Variants in LAPTM4B observed in about 807,000 individuals in gnomAD.
LAPTM4B encodes lysosomal-associated transmembrane protein 4B.
In LAPTM4B, 26 loss-of-function variants were observed where a neutral mutation model predicts 28.5. The ratio of observed to expected loss-of-function variants is 0.91; its 90% CI spans 0.67 to 1.27. LAPTM4B has a LOEUF of 1.27. LAPTM4B is among the 50% of genes most tolerant of loss of function. The probability of loss-of-function intolerance (pLI) is 0.00; values close to 1 mark genes in which losing one functional copy is unlikely to be tolerated. For missense variants in LAPTM4B, 288 were observed against 285.8 expected (o/e 1.01, Z -0.06); for synonymous variants, 109 against 106.4 (o/e 1.02, Z -0.15).
At chr8:97,830,118 C>CAGCT (rs1463672967) in intron 6 of LAPTM4B, among the ~76,000 whole-genome samples, 2 of 152,022 alleles carry the variant, frequency 1.3e-5, no homozygotes, top group Admixed American at 6.6e-5. Flanking sequence ...AGGGCAGGGA[C>CAGCT]AGCTGTGTAG....
At chr8:97,804,504 G>A (rs1440053125) in intron 1 of LAPTM4B, among the ~76,000 whole-genome samples, 3 of 152,266 alleles carry the variant, frequency 2.0e-5, no homozygotes. Context: ...CTTGGTAGTT[G>A]TTTGTTCCTG....
At chr8:97,824,328 A>C (rs1255000906) in intron 5 of LAPTM4B, among the ~76,000 whole-genome samples, 1 of 152,130 alleles carries the variant, frequency 6.6e-6, no homozygotes, top group African/African-American at 2.4e-5. Context: ...GATTTTAGCA[A>C]TCTAGTTTCT....
chr8:97,829,755 A>G (rs2449534), intron 6 of LAPTM4B, among the ~76,000 whole-genome samples: 70,565 of 150,706 alleles, frequency 0.47, 16,736 homozygotes, highest in East Asian at 0.57. Flanking sequence ...GCAGTGGCAC[A>G]ACCTCGCTCA....
chr8:97,814,935 G>A (rs190520925), intron 2 of LAPTM4B, among the ~76,000 whole-genome samples: 48 of 152,142 alleles, frequency 3.2e-4, no homozygotes, highest in African/African-American at 9.9e-4. Flanking sequence ...CCTCGTGATC[G>A]CCCTCCTCGG....
chr8:97,797,094 C>G (rs1168502291), intron 1 of LAPTM4B, among the ~76,000 whole-genome samples: 1 of 151,640 alleles, frequency 6.6e-6, no homozygotes, highest in African/African-American at 2.4e-5. Flanking sequence ...GAGATCCTGT[C>G]TCAAATAAAA....
intron 6 of LAPTM4B, among the ~76,000 whole-genome samples, chr8:97,847,894 ATTC>A (rs1191611560): frequency 6.6e-6 from 1 of 152,232 alleles, no homozygotes; most frequent in Admixed American, 6.5e-5. Flanking sequence ...GAAAGGAGAA[ATTC>A]TTCTCCAGGC....
intron 6 of LAPTM4B, among the ~76,000 whole-genome samples, chr8:97,830,271 G>A (rs1817162645): frequency 6.6e-6 from 1 of 152,162 alleles, no homozygotes; most frequent in Non-Finnish European, 1.5e-5. Flanking sequence ...GAACGGGAGT[G>A]AGACCCAAAG....
rs748244756 is a variant in LAPTM4B, at chr8:97,805,340, T to TTA, written c.100-12_100-11insAT. 1 of 1,344,668 alleles carries TTA rather than the reference T, an allele frequency of 7.4e-7. No individual in the cohort carries two copies. Among genetic ancestry groups the TTA allele is most frequent in the Non-Finnish European group, 1.0e-6 (1 of 959,830 alleles). The allele number at this position is 1,344,668 out of a possible 1,614,324, so 83.3% of individuals were successfully genotyped here. A position where few individuals can be genotyped will look rare whatever the true frequency, so the allele number is the denominator to read the frequency against. ...ACTTAAATTCTTTTTTTTTTTTTTT[T>TTA]TTCTTGTTGCAGATCATCAATGCTG... On this transcript the variant is annotated splice_polypyrimidine_tract_variant and intron_variant, in intron 1 of 6. Transcript: ENST00000521545.
chr8:97,788,888 G>T (rs1006417583), intron 1 of LAPTM4B, among the ~76,000 whole-genome samples: 6 of 151,776 alleles, frequency 4.0e-5, no homozygotes, highest in African/African-American at 1.5e-4. Flanking sequence ...TACAGACGGG[G>T]TTTCACCATG....
At position 97,799,203 on chromosome 8, in the gene LAPTM4B, A is replaced by T. The variant is rs565676841; in HGVS notation, c.100-6150A>T. Among the ~76,000 whole-genome samples, 3 of 152,334 alleles carry T rather than the reference A, an allele frequency of 2.0e-5. No individual in the cohort carries two copies. The East Asian group carries it at 5.8e-4, about 29-fold the overall frequency. On this transcript the variant is annotated intron_variant, in intron 1 of 6. Coordinates refer to ENST00000521545, the MANE Select transcript of LAPTM4B (RefSeq NM_018407.6). ...CACAGGGTTGTCATGAGAATTGGAG[A>T]TGAAATGCCCTATTACTTCTTAGCC...
intron 6 of LAPTM4B, among the ~76,000 whole-genome samples, chr8:97,848,869 C>A (rs1015469281): frequency 6.6e-6 from 1 of 152,134 alleles, no homozygotes. Context: ...GGGGCTCAGT[C>A]CTAAAGTCAA....
chr8:97,830,262 A>C (rs867740762), intron 6 of LAPTM4B, among the ~76,000 whole-genome samples: 50 of 152,194 alleles, frequency 3.3e-4, no homozygotes, highest in African/African-American at 1.0e-3. Context: ...GTAGCAGGAG[A>C]ACGGGAGTGA....
chr8:97,806,091 A>G (rs1816752986), intron 2 of LAPTM4B, among the ~76,000 whole-genome samples: 1 of 152,192 alleles, frequency 6.6e-6, no homozygotes, highest in Non-Finnish European at 1.5e-5. Flanking sequence ...GGAGAACTTC[A>G]AGTGAGTTTT....
At position 97,779,831 on chromosome 8, in the gene LAPTM4B, A is replaced by G. The variant is rs527825533; in HGVS notation, c.99+3723A>G. Among the ~76,000 whole-genome samples the G allele has an allele frequency of 2.1e-4, 32 of 151,718 alleles. No individual in the cohort carries two copies. In the South Asian group the frequency reaches 5.2e-3, roughly 25 times the overall value. On this transcript the variant is annotated intron_variant, in intron 1 of 6. Transcript: ENST00000521545. ...CACTTTGGGAGGCCGAGGTGAGTGG[A>G]TCTTGAGGTCAGGAGTTCAAAACCA...
intron 6 of LAPTM4B, among the ~76,000 whole-genome samples, chr8:97,849,994 A>G (rs1817498717): frequency 6.6e-6 from 1 of 151,748 alleles, no homozygotes; most frequent in Non-Finnish European, 1.5e-5. Context: ...ACTGGCCTCT[A>G]CCTGGTTCAG....
At chr8:97,781,658 C>T (rs1398916716) in intron 1 of LAPTM4B, among the ~76,000 whole-genome samples, 1 of 152,204 alleles carries the variant, frequency 6.6e-6, no homozygotes, top group Non-Finnish European at 1.5e-5. Flanking sequence ...CATTTCCAAA[C>T]TTTCAGCAAG....
chr8:97,837,537 A>T (rs1329939048), intron 6 of LAPTM4B, among the ~76,000 whole-genome samples: 2 of 152,208 alleles, frequency 1.3e-5, no homozygotes, highest in East Asian at 3.9e-4. Flanking sequence ...TGACTGCATA[A>T]TGAGTTCTGT....
chr8:97,806,186 G>A (rs1816754135), intron 2 of LAPTM4B, among the ~76,000 whole-genome samples: 2 of 152,138 alleles, frequency 1.3e-5, no homozygotes, highest in African/African-American at 4.8e-5. Flanking sequence ...GAAAGACATG[G>A]TGAGGGCTCT....
chr8:97,827,353 C>T (rs1817105411), intron 6 of LAPTM4B, among the ~76,000 whole-genome samples: 1 of 152,176 alleles, frequency 6.6e-6, no homozygotes, highest in Admixed American at 6.5e-5. Context: ...CTTAGGAATG[C>T]TGAAGCTTCC....
Sources: allele counts gnomAD v4.1 joint callset (sites outside exome capture counted in the v4.1 genomes callset), GRCh38; gene constraint gnomAD v4.1.1; transcripts MANE v1.5; gene names NCBI Gene and HGNC (gene_info 2026-07-23, HGNC 2026-07-21).